Variants in CADM2 observed in about 807,000 individuals in gnomAD.
CADM2 encodes the protein cell adhesion molecule 2.
Under a neutral mutation model 49.8 loss-of-function variants are expected in CADM2, and 12 were observed. The ratio of observed to expected loss-of-function variants is 0.24; its 90% CI spans 0.15 to 0.39. CADM2 has a LOEUF of 0.39. Among genes scored for constraint, CADM2 ranks in the 10% least tolerant of loss-of-function variants. The pLI, the probability that CADM2 is intolerant of heterozygous loss-of-function variation, is 1.00. For missense variants in CADM2, 378 were observed against 492.3 expected, an observed-to-expected ratio of 0.77 and a Z score of 2.20; for synonymous variants, 214 against 175.4, an observed-to-expected ratio of 1.22 and a Z score of -1.74.
intron 1 of CADM2, among the ~76,000 whole-genome samples, chr3:85,034,965 G>A (rs1330690191): frequency 6.6e-6 from 1 of 151,546 alleles, no homozygotes. Context: ...ACCACACCGG[G>A]CTAATTTTTG....
intron 1 of CADM2, among the ~76,000 whole-genome samples, chr3:85,603,537 C>G (rs139664852): frequency 0.012 from 1,829 of 151,916 alleles, 46 homozygotes; most frequent in African/African-American, 0.042. Flanking sequence ...TGTTACTGAA[C>G]TAAACATTCT....
chr3:85,508,765 G>A (rs925190667), intron 1 of CADM2, among the ~76,000 whole-genome samples: 6 of 152,038 alleles, frequency 3.9e-5, no homozygotes, highest in Non-Finnish European at 8.8e-5. Context: ...AGTGCAAAGT[G>A]GGAAAAGAAC....
intron 1 of CADM2, among the ~76,000 whole-genome samples, chr3:85,318,874 T>A (rs1425777146): frequency 2.0e-5 from 3 of 152,192 alleles, no homozygotes; most frequent in African/African-American, 7.2e-5. Flanking sequence ...AATAATGTGA[T>A]ATGATTTAAT....
intron 8 of CADM2, among the ~76,000 whole-genome samples, chr3:86,018,799 T>C (rs1266741642): frequency 1.1e-4 from 16 of 151,842 alleles, no homozygotes; most frequent in African/African-American, 3.1e-4. Flanking sequence ...ATGAGTAGGT[T>C]GTGAAAATTT....
chr3:85,371,677 G>GTGTGTGTATATA (rs1251505613), intron 1 of CADM2, among the ~76,000 whole-genome samples: 32 of 95,130 alleles, frequency 3.4e-4, no homozygotes, highest in African/African-American at 5.3e-4. Flanking sequence ...GTGTGTGTGT[G>GTGTGTGTATATA]TATATATATA....
At chr3:85,051,351 C>T (rs1345890306) in intron 1 of CADM2, among the ~76,000 whole-genome samples, 2 of 152,168 alleles carry the variant, frequency 1.3e-5, no homozygotes, top group Non-Finnish European at 2.9e-5. Flanking sequence ...ATTGCTTCTT[C>T]ACCAGCAGCC....
At chr3:85,976,508 T>C (rs984938591) in intron 8 of CADM2, among the ~76,000 whole-genome samples, 1 of 151,618 alleles carries the variant, frequency 6.6e-6, no homozygotes, top group Admixed American at 6.6e-5. Context: ...TTTCACAATA[T>C]AGCTGAAATA....
chr3:85,792,999 G>A (rs2071426199), intron 2 of CADM2, among the ~76,000 whole-genome samples: 1 of 151,870 alleles, frequency 6.6e-6, no homozygotes, highest in Non-Finnish European at 1.5e-5. Flanking sequence ...AACATTTGAG[G>A]GAGGGACAGC....
chr3:85,743,885 T>C (rs957155506), intron 2 of CADM2, among the ~76,000 whole-genome samples: 3 of 152,142 alleles, frequency 2.0e-5, no homozygotes, highest in African/African-American at 7.2e-5. Flanking sequence ...TAAATATATA[T>C]TTAAGTAGTT....
chr3:85,903,306 GC>G (rs1716363335), intron 5 of CADM2, among the ~76,000 whole-genome samples: 1 of 150,740 alleles, frequency 6.6e-6, no homozygotes, highest in Non-Finnish European at 1.5e-5. Context: ...CTTTACTGGT[GC>G]TTTTTTTTTT....
intron 1 of CADM2, among the ~76,000 whole-genome samples, chr3:85,563,277 A>G (rs754464708): frequency 3.3e-5 from 5 of 152,112 alleles, no homozygotes; most frequent in Admixed American, 6.6e-5. Context: ...GATTTTCAGA[A>G]ATTGAATGAG....
At chr3:85,761,478 G>A in intron 2 of CADM2, among the ~76,000 whole-genome samples, 1 of 147,102 alleles carries the variant, frequency 6.8e-6, no homozygotes, top group Non-Finnish European at 1.5e-5. Flanking sequence ...CCGGGTTCAA[G>A]CAACTGTCTT....
chr3:85,884,953 C>T (rs1354142036), intron 4 of CADM2, among the ~76,000 whole-genome samples: 1 of 147,824 alleles, frequency 6.8e-6, no homozygotes, highest in Non-Finnish European at 1.5e-5. Flanking sequence ...CCAAGATGGT[C>T]TCGATCACTT....
chr3:86,021,685 C>A (rs781557329), intron 8 of CADM2, among the ~76,000 whole-genome samples: 8 of 152,130 alleles, frequency 5.3e-5, no homozygotes, highest in Non-Finnish European at 1.0e-4. Context: ...GAGCAAATGG[C>A]AAGATCCTAT....
chr3:85,467,706 G>T (rs1233537413), intron 1 of CADM2, among the ~76,000 whole-genome samples: 2 of 152,028 alleles, frequency 1.3e-5, no homozygotes, highest in Non-Finnish European at 2.9e-5. Flanking sequence ...TCCCATATTG[G>T]AAATATGTCA....
At chr3:85,180,338 A>G (rs746534195) in intron 1 of CADM2, among the ~76,000 whole-genome samples, 6 of 151,712 alleles carry the variant, frequency 4.0e-5, no homozygotes, top group Non-Finnish European at 7.4e-5. Flanking sequence ...GCGAAACCCT[A>G]TATCTACTGA....
intron 8 of CADM2, among the ~76,000 whole-genome samples, chr3:86,002,722 C>T (rs752011502): frequency 6.6e-6 from 1 of 152,096 alleles, no homozygotes; most frequent in Non-Finnish European, 1.5e-5. Flanking sequence ...GTTTTGAAAA[C>T]TATTGGTTCA....
At chr3:85,548,844 G>A (rs145641232) in intron 1 of CADM2, among the ~76,000 whole-genome samples, 172 of 152,310 alleles carry the variant, frequency 1.1e-3, no homozygotes, top group African/African-American at 3.8e-3. Context: ...AAGGAGAAAG[G>A]TGTCTAATAA....
chr3:85,349,291 A>T (rs1031193053), intron 1 of CADM2, among the ~76,000 whole-genome samples: 1 of 152,190 alleles, frequency 6.6e-6, no homozygotes, highest in Non-Finnish European at 1.5e-5. Context: ...CTTTTTGCTT[A>T]AAGTGATATT....
Sources: allele counts gnomAD v4.1 joint callset (sites outside exome capture counted in the v4.1 genomes callset), GRCh38; gene constraint gnomAD v4.1.1; transcripts MANE v1.5; gene names NCBI Gene and HGNC (gene_info 2026-07-23, HGNC 2026-07-21).